SLC4A4: variants seen among roughly 807,000 people sequenced by gnomAD.
SLC4A4 encodes electrogenic sodium bicarbonate cotransporter 1.
In SLC4A4, 27 loss-of-function variants were observed where a neutral mutation model predicts 111.5. The observed-to-expected ratio is 0.24, with a 90% CI of 0.18 to 0.33. SLC4A4 has a LOEUF of 0.33. Among genes scored for constraint, SLC4A4 ranks in the 10% least tolerant of loss-of-function variants. The probability of loss-of-function intolerance (pLI) is 1.00; values close to 1 mark genes in which losing one functional copy is unlikely to be tolerated. For synonymous variants in SLC4A4, 443 were observed against 463.4 expected (o/e 0.96, Z 0.57); for missense variants, 909 against 1,315.5 (o/e 0.69, Z 4.78).
intron 7 of SLC4A4, among the ~76,000 whole-genome samples, chr4:71,407,388 C>A (rs1387403308): frequency 6.6e-6 from 1 of 152,128 alleles, no homozygotes; most frequent in Non-Finnish European, 1.5e-5. Flanking sequence ...AAAGTATAAT[C>A]TATGATCTCA....
At chr4:71,261,265 C>A (rs1456336733) in intron 3 of SLC4A4, among the ~76,000 whole-genome samples, 1 of 152,180 alleles carries the variant, frequency 6.6e-6, no homozygotes, top group Non-Finnish European at 1.5e-5. Flanking sequence ...AATACTGCCA[C>A]CAGCAAGTGG....
chr4:71,233,163 C>A, intron 1 of SLC4A4: 1 of 512,098 alleles, frequency 2.0e-6, no homozygotes, highest in Non-Finnish European at 2.5e-6. Flanking sequence ...CATTAGGCAC[C>A]TTGTCTGTCT....
At chr4:71,080,280 T>C (rs1017786785) in intron 1 of SLC4A4, among the ~76,000 whole-genome samples, 5 of 152,060 alleles carry the variant, frequency 3.3e-5, no homozygotes, top group Admixed American at 1.3e-4. Flanking sequence ...TGCCCTCTCC[T>C]GGAGTCAGGG....
At chr4:71,491,599 C>T (rs1298730924) in intron 15 of SLC4A4, among the ~76,000 whole-genome samples, 1 of 151,770 alleles carries the variant, frequency 6.6e-6, no homozygotes, top group Non-Finnish European at 1.5e-5. Context: ...AGTGTCCTGT[C>T]TAGGGATAGT....
At chr4:71,373,070 T>C (rs1169244985) in intron 6 of SLC4A4, among the ~76,000 whole-genome samples, 2 of 152,208 alleles carry the variant, frequency 1.3e-5, no homozygotes, top group African/African-American at 4.8e-5. Context: ...ATAATTTTTC[T>C]CTGGCTCTAG....
intron 1 of SLC4A4, among the ~76,000 whole-genome samples, chr4:71,198,252 T>C (rs981590952): frequency 1.3e-5 from 2 of 152,250 alleles, no homozygotes; most frequent in South Asian, 4.1e-4. Context: ...AGATGTTTCA[T>C]TTATTACATA....
chr4:71,235,430 G>T (rs911748755), intron 1 of SLC4A4, among the ~76,000 whole-genome samples: 1 of 152,336 alleles, frequency 6.6e-6, no homozygotes, highest in Non-Finnish European at 1.5e-5. Context: ...ATAATTGGAT[G>T]AATAGAATAC....
At chr4:71,528,295 G>A (rs1218353859) in intron 16 of SLC4A4, among the ~76,000 whole-genome samples, 1 of 152,070 alleles carries the variant, frequency 6.6e-6, no homozygotes, top group Non-Finnish European at 1.5e-5. Flanking sequence ...TCTTTAGAGG[G>A]TGATATATCT....
chr4:71,175,231 T>G (rs2148984279), intron 2 of SLC4A4, among the ~76,000 whole-genome samples: 1 of 152,334 alleles, frequency 6.6e-6, no homozygotes. Context: ...GATGGCTGAA[T>G]AGGAACAGCT....
intron 7 of SLC4A4, among the ~76,000 whole-genome samples, chr4:71,415,186 T>C (rs1007019476): frequency 6.6e-6 from 1 of 152,236 alleles, no homozygotes. Flanking sequence ...CTTTACTTTA[T>C]GGATAACATG....
At chr4:71,244,573 T>A (rs1720493459) in intron 2 of SLC4A4, among the ~76,000 whole-genome samples, 1 of 152,186 alleles carries the variant, frequency 6.6e-6, no homozygotes, top group South Asian at 2.1e-4. Flanking sequence ...ATTAACCGCA[T>A]AAATTTAAGG....
At position 71,567,890 on chromosome 4, in the gene SLC4A4, G is replaced by A; in HGVS notation, c.*139G>A. 2 of 1,465,436 alleles carry A rather than the reference G, an allele frequency of 1.4e-6. No individual in the cohort carries two copies. The highest frequency in any genetic ancestry group is 1.9e-6 in the Non-Finnish European group (2 of 1,075,932). 90.8% of individuals were successfully genotyped at this position (1,465,436 alleles called of 1,614,324 possible). On this transcript the variant is annotated 3_prime_UTR_variant, in exon 26 of 26. Transcript: ENST00000264485. ...GGAGCAAGGGAACAGAAACTACATT[G>A]TAACCTGTTTGTCTTTCTTAAAACT...
chr4:71,137,834 A>G (rs369595907), intron 2 of SLC4A4, among the ~76,000 whole-genome samples: 41 of 152,360 alleles, frequency 2.7e-4, no homozygotes, highest in African/African-American at 9.6e-4. Flanking sequence ...GCTCACAAGT[A>G]TAAAGACAAA....
intron 11 of SLC4A4, among the ~76,000 whole-genome samples, 174 bp downstream of exon 11, chr4:71,451,475 AT>A (rs1440336549): frequency 6.6e-6 from 1 of 152,222 alleles, no homozygotes; most frequent in Non-Finnish European, 1.5e-5. Flanking sequence ...ATGATACTGT[AT>A]TCCCATAAGG....
At chr4:71,150,459 A>C (rs6845432) in intron 2 of SLC4A4, among the ~76,000 whole-genome samples, 9,844 of 152,246 alleles carry the variant, frequency 0.065, 475 homozygotes, top group South Asian at 0.21. Context: ...TCATGTGCAG[A>C]GAGAGAACTA....
rs543862434 is a variant in SLC4A4, at chr4:71,516,915, A to G, written c.2167-15147A>G. On this transcript the variant is annotated intron_variant, in intron 16 of 25. Coordinates refer to ENST00000264485, the MANE Select transcript of SLC4A4 (RefSeq NM_001098484.3). ...AATCCTTCTTCAGCTCTTTGAATAT[A>G]TCATCCCAGTCTCTCCTGGATTGTA... Among the ~76,000 whole-genome samples, 78 of 152,312 alleles carry G rather than the reference A, an allele frequency of 5.1e-4. 2 individuals are homozygous for G. The South Asian group carries it at 0.012, about 23-fold the overall frequency.
chr4:71,078,249 C>A (rs959473661), intron 1 of SLC4A4, among the ~76,000 whole-genome samples: 3 of 151,952 alleles, frequency 2.0e-5, no homozygotes, highest in Non-Finnish European at 2.9e-5. Context: ...TATTTATTTG[C>A]CAGACATTAG....
At chr4:71,131,027 C>T (rs1414310959) in intron 2 of SLC4A4, among the ~76,000 whole-genome samples, 1 of 152,184 alleles carries the variant, frequency 6.6e-6, no homozygotes, top group Non-Finnish European at 1.5e-5. Context: ...GTGAGTGATA[C>T]ATGCTAGAAT....
At chr4:71,247,900 G>A (rs1482123495) in intron 2 of SLC4A4, among the ~76,000 whole-genome samples, 1 of 152,044 alleles carries the variant, frequency 6.6e-6, no homozygotes. Flanking sequence ...GCTCTATTCT[G>A]TCTCGTTGGA....
Sources: gnomAD v4.1 joint callset for allele counts (sites outside exome capture counted in the v4.1 genomes callset) on GRCh38, gnomAD v4.1.1 for gene constraint, MANE v1.5 for transcripts, NCBI Gene and HGNC (gene_info 2026-07-23, HGNC 2026-07-21) for gene names.